CEMIP: variants seen among roughly 807,000 people sequenced by gnomAD.
CEMIP encodes cell migration inducing hyaluronidase 1.
In CEMIP, 105 loss-of-function variants were observed where a neutral mutation model predicts 156.9. The observed-to-expected ratio is 0.67, with a 90% CI of 0.57 to 0.79. The LOEUF (loss-of-function observed/expected upper bound fraction) is 0.79. Ranked by LOEUF, CEMIP falls within the 30% of genes least tolerant of loss-of-function variation. The probability of loss-of-function intolerance (pLI) is 0.00; values close to 1 mark genes in which losing one functional copy is unlikely to be tolerated. For missense variants in CEMIP, 1,457 were observed against 1,769.4 expected (o/e 0.82, Z 3.17); for synonymous variants, 676 against 668.4 (o/e 1.01, Z -0.17).
At chr15:80,905,012 A>G (rs1239802933) in intron 12 of CEMIP, among the ~76,000 whole-genome samples, 1 of 152,228 alleles carries the variant, frequency 6.6e-6, no homozygotes, top group Non-Finnish European at 1.5e-5. Flanking sequence ...GAATCCCAGA[A>G]GAGTAAACAT....
chr15:80,872,502 C>T lies in CEMIP; in HGVS notation c.-175-1036C>T, dbSNP rs117690207. 6.7e-5 allele frequency among the ~76,000 whole-genome samples: 10 copies of T among 149,664 alleles called. No homozygotes were observed. The East Asian group carries it at 9.6e-4, about 14-fold the overall frequency. On this transcript the variant is annotated intron_variant, in intron 1 of 29. Coordinates refer to ENST00000394685, the MANE Select transcript of CEMIP (RefSeq NM_001293298.2). The stretch of plus-strand genomic sequence containing the variant: ...TATGAGTAAAAGGAAACAAAAATAA[C>T]GGTGGCTTAAATAAAATCGAAGTTT...
intron 14 of CEMIP, among the ~76,000 whole-genome samples, chr15:80,914,653 T>G (rs1056213602): frequency 2.0e-5 from 3 of 152,226 alleles, no homozygotes; most frequent in Non-Finnish European, 4.4e-5. Flanking sequence ...AAGCTTCCGC[T>G]TTTCCTGGTT....
Position 80,860,695 on chromosome 15 carries a change from C to T in CEMIP, c.-175-12843C>T, listed in dbSNP as rs1175651642. On this transcript the variant is annotated intron_variant, in intron 1 of 29. Coordinates refer to ENST00000394685, the MANE Select transcript of CEMIP (RefSeq NM_001293298.2). ...GCCCTGCCTCAAGCACTATGCATGT[C>T]CCTTCTCTCCCTTCCCACCCCCACC... Among the ~76,000 whole-genome samples the T allele has an allele frequency of 2.0e-5, 3 of 152,130 alleles. No individual in the cohort carries two copies. In the East Asian group the frequency reaches 5.8e-4, roughly 29 times the overall value.
chr15:80,794,298 C>T lies in CEMIP; in HGVS notation c.-176+14684C>T, dbSNP rs188050216. Among the ~76,000 whole-genome samples, 553 of 152,188 alleles carry T rather than the reference C, an allele frequency of 3.6e-3. 3 individuals are homozygous for T. The highest frequency in any genetic ancestry group is 0.013 in the African/African-American group (529 of 41,508). On this transcript the variant is annotated intron_variant, in intron 1 of 29. Coordinates refer to ENST00000394685, the MANE Select transcript of CEMIP (RefSeq NM_001293298.2). ...CTATTTTTTTAACCAGAAGTTTTTC[C>T]TTTGCTTGTCTGACTCATTCACTCA... is the stretch of plus-strand genomic sequence containing the variant.
intron 1 of CEMIP, among the ~76,000 whole-genome samples, chr15:80,813,081 T>G (rs1896707396): frequency 6.6e-6 from 1 of 152,228 alleles, no homozygotes; most frequent in African/African-American, 2.4e-5. Flanking sequence ...TGCATTTGTT[T>G]TTGTCAATAA....
chr15:80,873,285 T>G (rs1038702806), intron 1 of CEMIP, among the ~76,000 whole-genome samples: 1 of 152,196 alleles, frequency 6.6e-6, no homozygotes, highest in Non-Finnish European at 1.5e-5. Flanking sequence ...CCTAGATAGA[T>G]AAGAGGGCTT....
rs1166452754 is a variant in CEMIP, at chr15:80,941,927, A to G, written c.3486A>G (p.Ile1162Met). ...GCTCCATGAAAGGCTGTGAGAGGAT[A>G]AAGATTAAAGCTCTGATTCCAAAGA... Reference protein sequence around the residue: ...AFCSMKGCERIKIKALIPKNA... With the variant: ...AFCSMKGCERMKIKALIPKNA... The change falls in exon 26 of 30, where the codon ATA becomes ATG. Residue 1162 changes from isoleucine to methionine, a missense_variant. Physicochemically the swap from Ile to Met is conservative, Grantham distance 10 (BLOSUM62 1). Around this residue, in one of 5 missense-constraint regions of CEMIP, gnomAD observed 798 missense variants for 980.1 expected, o/e 0.81. Transcript: ENST00000394685. 53 of 1,613,998 alleles carry G rather than the reference A, an allele frequency of 3.3e-5. No individual in the cohort carries two copies. Among genetic ancestry groups the G allele is most frequent in the Non-Finnish European group, 3.8e-5 (45 of 1,180,024 alleles).
intron 12 of CEMIP, among the ~76,000 whole-genome samples, chr15:80,900,171 G>A (rs1339707964): frequency 6.6e-6 from 1 of 152,192 alleles, no homozygotes; most frequent in African/African-American, 2.4e-5. Flanking sequence ...TGCCGAGGGT[G>A]GCCCTGAGAA....
intron 21 of CEMIP, among the ~76,000 whole-genome samples, 199 bp from the exon 22 acceptor site, chr15:80,931,660 G>C (rs931898736): frequency 6.6e-6 from 1 of 151,968 alleles, no homozygotes; most frequent in Non-Finnish European, 1.5e-5. Flanking sequence ...ATTAATTAAT[G>C]AATTAATAAT....
intron 1 of CEMIP, among the ~76,000 whole-genome samples, chr15:80,864,190 C>G (rs1459540869): frequency 6.6e-6 from 1 of 152,208 alleles, no homozygotes; most frequent in African/African-American, 2.4e-5. Flanking sequence ...GCATCTGCCA[C>G]ACTTCACATA....
chr15:80,835,122 A>G (rs895135140), intron 1 of CEMIP, among the ~76,000 whole-genome samples: 3 of 152,172 alleles, frequency 2.0e-5, no homozygotes, highest in African/African-American at 4.8e-5. Flanking sequence ...AGAGAGCAAG[A>G]GAGCATGCAG....
Position 80,906,511 on chromosome 15 carries a change from C to T in CEMIP, c.1412-152C>T. ...TGCATGCAGGCGTGTGACTTCACCT[C>T]CCTGACCTTCATCCTTCTGTAACAT... is the stretch of plus-strand genomic sequence containing the variant. On this transcript the variant is annotated intron_variant, in intron 12 of 29. Transcript: ENST00000394685. The surrounding 1 kb of genome is among the most constrained non-coding windows in gnomAD (Gnocchi z 4.3). The T allele has an allele frequency of 1.4e-6, 1 of 737,220 alleles. No homozygotes were observed. The highest frequency in any genetic ancestry group is 2.3e-6 in the Non-Finnish European group (1 of 443,058). The allele number at this position is 737,220 out of a possible 1,614,324, so 45.7% of individuals were successfully genotyped here.
chr15:80,926,128 T>C (rs1428577707), intron 19 of CEMIP, among the ~76,000 whole-genome samples: 1 of 152,248 alleles, frequency 6.6e-6, no homozygotes, highest in East Asian at 1.9e-4. Context: ...TTTCTTACCA[T>C]GTTTCTCAAA....
chr15:80,865,468 C>A (rs1898100175), intron 1 of CEMIP, among the ~76,000 whole-genome samples: 1 of 152,270 alleles, frequency 6.6e-6, no homozygotes, highest in Admixed American at 6.5e-5. Flanking sequence ...GCGTGAGCCA[C>A]CGCGCCCGGC....
At chr15:80,890,788 C>T (rs1899011662) in intron 10 of CEMIP, among the ~76,000 whole-genome samples, 1 of 152,176 alleles carries the variant, frequency 6.6e-6, no homozygotes, top group Non-Finnish European at 1.5e-5. Context: ...AGAACTTCTA[C>T]CCTCTGTCTT....
intron 1 of CEMIP, among the ~76,000 whole-genome samples, chr15:80,810,925 C>T (rs1386158148): frequency 2.0e-5 from 3 of 152,150 alleles, no homozygotes; most frequent in African/African-American, 7.2e-5. Flanking sequence ...ATTACCATTT[C>T]CCCATCCATT....
intron 1 of CEMIP, among the ~76,000 whole-genome samples, chr15:80,802,699 G>A (rs1178200043): frequency 6.6e-6 from 1 of 152,210 alleles, no homozygotes; most frequent in Non-Finnish European, 1.5e-5. Context: ...GAAGACTTCT[G>A]ACATGTTCAC....
Position 80,932,081 on chromosome 15 carries a change from T to C in CEMIP, c.2793+42T>C. ...GGCAGACTCCCGGCAAACCCAGACT[T>C]TGGATGGTGATTCACAAGTCCCCTG... On this transcript the variant is annotated intron_variant, in intron 22 of 29. Transcript: ENST00000394685. The surrounding 1 kb of genome is among the most constrained non-coding windows in gnomAD (Gnocchi z 4.5). 3 of 1,604,502 alleles carry C rather than the reference T, an allele frequency of 1.9e-6. No homozygotes were observed. The highest frequency in any genetic ancestry group is 8.5e-7 in the Non-Finnish European group (1 of 1,177,812).
chr15:80,922,153 C>T lies in CEMIP; in HGVS notation c.2202+16C>T. On this transcript the variant is annotated intron_variant, in intron 17 of 29. Transcript: ENST00000394685. ...CAACTACCGGGTAAGTCTTTCCAGG[C>T]TGCGCCTCTCTGGCCAGCCTCTCGG... The T allele has an allele frequency of 6.2e-7, 1 of 1,613,892 alleles. No homozygotes were observed. The highest frequency in any genetic ancestry group is 1.7e-5 in the Admixed American group (1 of 60,034).
Sources: gnomAD v4.1 joint callset for allele counts (sites outside exome capture counted in the v4.1 genomes callset) on GRCh38, gnomAD v4.1.1 for gene constraint, gnomAD v4.1.1 regional missense constraint, Gnocchi (gnomAD v3.1) non-coding constraint, MANE v1.5 for transcripts, NCBI Gene and HGNC (gene_info 2026-07-23, HGNC 2026-07-21) for gene names.